Variants in PHKA1 observed in about 807,000 individuals in gnomAD.
PHKA1 encodes the protein phosphorylase b kinase regulatory subunit alpha, skeletal muscle isoform.
PHKA1 carries 60 observed loss-of-function variants against 110.2 expected under a neutral mutation model. The observed-to-expected ratio is 0.54, with a 90% CI of 0.44 to 0.68. The LOEUF is 0.68. Among genes scored for constraint, PHKA1 ranks in the 30% least tolerant of loss-of-function variants. The pLI is 0.00. For missense variants in PHKA1, 801 were observed against 942.5 expected, an observed-to-expected ratio of 0.85 and a Z score of 1.97; for synonymous variants, 316 against 333.6, an observed-to-expected ratio of 0.95 and a Z score of 0.58.
rs1164416043 is a variant in PHKA1, at chrX:72,682,934, T to TAAAA, written c.537+1560_537+1563dup. ...AAGAATTATCAATAAAAAAATAAAT[T>TAAAA]AAAAAAAAAAAAAAAAAAAAAAAAG... On this transcript the variant is annotated intron_variant, in intron 5 of 31. Coordinates refer to ENST00000373542, the MANE Select transcript of PHKA1 (RefSeq NM_002637.4). 3.3e-4 allele frequency among the ~76,000 whole-genome samples: 21 copies of TAAAA among 63,831 alleles called. No individual in the cohort carries two copies. In the East Asian group the frequency reaches 6.0e-3, roughly 18 times the overall value. 55.4% of individuals were successfully genotyped at this position (63,831 alleles called of 115,157 possible). A position where few individuals can be genotyped will look rare whatever the true frequency, so the allele number is the denominator to read the frequency against.
In PHKA1 at chrX:72,665,482, C is replaced by T. The variant is rs782678274; in HGVS notation, c.864+669G>A. Among the ~76,000 whole-genome samples the T allele has an allele frequency of 2.1e-4, 23 of 111,685 alleles. 1 individual carries two copies. The East Asian group carries it at 6.5e-3, about 32-fold the overall frequency. ...AAACTTTTAAAGAGCTAAAACCAAA[C>T]TACTCCAGTAAATTGAAGGGGAGGG... On this transcript the variant is annotated intron_variant, in intron 8 of 31. Coordinates refer to ENST00000373542, the MANE Select transcript of PHKA1 (RefSeq NM_002637.4).
At chrX:72,704,403 C>T (rs1347101272) in intron 3 of PHKA1, among the ~76,000 whole-genome samples, 1 of 111,326 alleles carries the variant, frequency 9.0e-6, no homozygotes, top group African/African-American at 3.3e-5. Flanking sequence ...TTATAGAGTG[C>T]TGTTCTAGAC....
intron 5 of PHKA1, among the ~76,000 whole-genome samples, chrX:72,676,808 T>G (rs2053784697): frequency 8.9e-6 from 1 of 112,175 alleles, no homozygotes; most frequent in African/African-American, 3.2e-5. Flanking sequence ...TGGAATAACT[T>G]TAGACTTATA....
Position 72,620,770 on chromosome X carries a change from C to T in PHKA1, c.2092G>A (p.Asp698Asn), listed in dbSNP as rs1064796509. The part of the protein sequence containing the change: ...RFQAAVQTTC[D>N]LMSLVTKAKE... ...GCCTTGGTCACCAAGGACATTAAGTCGCAGGTTGTTTGCACAGCAGCTTGG... is the reference window on the plus strand; with the variant it reads ...GCCTTGGTCACCAAGGACATTAAGTTGCAGGTTGTTTGCACAGCAGCTTGG... The change falls in exon 19 of 32, where the codon GAC becomes AAC. Residue 698 changes from aspartate to asparagine, a missense_variant. By Grantham distance (23) the Asp-to-Asn change is conservative (BLOSUM62 1). Coordinates refer to ENST00000373542, the MANE Select transcript of PHKA1 (RefSeq NM_002637.4). 1.4e-5 allele frequency: 17 copies of T among 1,210,215 alleles called. No homozygotes were observed. The highest frequency in any genetic ancestry group is 1.1e-5 in the Non-Finnish European group (10 of 895,061).
At chrX:72,672,156 T>C (rs150884061) in intron 6 of PHKA1, among the ~76,000 whole-genome samples, 1 of 111,752 alleles carries the variant, frequency 8.9e-6, no homozygotes, top group African/African-American at 3.3e-5. Context: ...AGTAGTGGCA[T>C]GAGCTGAGTG....
At position 72,644,440 on chromosome X, in the gene PHKA1, A is replaced by C. The variant is rs1031164358; in HGVS notation, c.1381T>G (p.Tyr461Asp). The C allele has an allele frequency of 1.7e-6, 2 of 1,208,334 alleles. No individual in the cohort carries two copies. The highest frequency in any genetic ancestry group is 5.9e-5 in the East Asian group (2 of 33,839). ...TATACCTCAGCAATGGTCTCCACGTAAATTCCCTTGTCCTTCAAAATGGTC... is the reference window on the plus strand; with the variant it reads ...TATACCTCAGCAATGGTCTCCACGTCAATTCCCTTGTCCTTCAAAATGGTC... ...IKTILKDKGI[Y>D]VETIAEVYPI... Residue 461 changes from tyrosine (Y) to aspartate (D), a missense_variant, in exon 14 of 32, where the codon TAC (tyrosine) becomes GAC (aspartate). Physicochemically the swap from Tyr to Asp is radical, Grantham distance 160. Around this residue, in one of 2 missense-constraint regions of PHKA1, gnomAD observed 299 missense variants for 423.3 expected, o/e 0.71. Transcript: ENST00000373542.
At chrX:72,627,118 T>A in intron 16 of PHKA1, 69 bp from the exon 17 acceptor site, 1 of 808,006 alleles carries the variant, frequency 1.2e-6, no homozygotes, top group Non-Finnish European at 1.9e-6. Context: ...AATCTTGTAA[T>A]TATTTCAAAT....
At chrX:72,674,446 G>C (rs377747779) in intron 6 of PHKA1, among the ~76,000 whole-genome samples, 11 of 111,036 alleles carry the variant, frequency 9.9e-5, no homozygotes, top group South Asian at 3.9e-4. Context: ...GTTCCTATTT[G>C]TCCACATCCT....
At chrX:72,596,444 G>A (rs781909790) in intron 28 of PHKA1, among the ~76,000 whole-genome samples, 1 of 111,497 alleles carries the variant, frequency 9.0e-6, no homozygotes, top group Non-Finnish European at 1.9e-5. Context: ...TAGATCTCAT[G>A]TTAAATGTCT....
At chrX:72,601,095 C>T (rs1012657151) in intron 28 of PHKA1, among the ~76,000 whole-genome samples, 16 of 111,286 alleles carry the variant, frequency 1.4e-4, no homozygotes, top group African/African-American at 5.2e-4. Flanking sequence ...TTAACTATTT[C>T]CTTGTATAAA....
At position 72,636,509 on chromosome X, in the gene PHKA1, A is replaced by G. The variant is rs191134902; in HGVS notation, c.1460-123T>C. On this transcript the variant is annotated intron_variant, in intron 14 of 31. Coordinates refer to ENST00000373542, the MANE Select transcript of PHKA1 (RefSeq NM_002637.4). ...TATGTATATACATATAGACACACAC[A>G]CACATCCACTGTATTTCCTTGAATT... is the stretch of plus-strand genomic sequence containing the variant. 1.1e-4 allele frequency: 55 copies of G among 492,823 alleles called. No individual in the cohort carries two copies. In the African/African-American group the frequency reaches 1.2e-3, roughly 11 times the overall value. The allele number at this position is 492,823 out of a possible 1,213,427, so 40.6% of individuals were successfully genotyped here. A position where few individuals can be genotyped will look rare whatever the true frequency, so the allele number is the denominator to read the frequency against.
intron 21 of PHKA1, among the ~76,000 whole-genome samples, chrX:72,611,614 T>TCTGGCAAAACAAATACTG (rs782632524): frequency 9.0e-6 from 1 of 111,122 alleles, no homozygotes; most frequent in Admixed American, 9.6e-5. Flanking sequence ...CAAAAGAAAA[T>TCTGGCAAAACAAATACTG]CTGGCAAAAC....
Position 72,579,865 on chromosome X carries a change from G to C in PHKA1, c.*1137C>G, listed in dbSNP as rs2052313004. On this transcript the variant is annotated 3_prime_UTR_variant, in exon 32 of 32. Coordinates refer to ENST00000373542, the MANE Select transcript of PHKA1 (RefSeq NM_002637.4). Reference sequence around the variant, plus strand: ...AGAATTAGGAAGTGAAAATATATATGAAAGAGTTTAAGAATAGATGGGGGG... The same window carrying C: ...AGAATTAGGAAGTGAAAATATATATCAAAGAGTTTAAGAATAGATGGGGGG... The C allele has an allele frequency of 9.0e-6, 1 of 111,424 alleles. No individual in the cohort carries two copies. The highest frequency in any genetic ancestry group is 1.9e-5 in the Non-Finnish European group (1 of 53,111). The allele number at this position is 111,424 out of a possible 1,213,427, so 9.2% of individuals were successfully genotyped here. A position where few individuals can be genotyped will look rare whatever the true frequency, so the allele number is the denominator to read the frequency against.
In PHKA1 at chrX:72,579,205, T is replaced by C. The variant is rs1296603872; in HGVS notation, c.*1797A>G. The C allele has an allele frequency of 3.6e-5, 4 of 112,421 alleles. No individual in the cohort carries two copies. The highest frequency in any genetic ancestry group is 5.6e-5 in the Non-Finnish European group (3 of 53,320). 9.3% of individuals were successfully genotyped at this position (112,421 alleles called of 1,213,427 possible). A position where few individuals can be genotyped will look rare whatever the true frequency, so the allele number is the denominator to read the frequency against. Reference sequence around the variant, plus strand: ...TTCTTTAAAAGTGACCAGAAAATAATGTAGTCAGAAAGCTACTTACTGTGT... The same window carrying C: ...TTCTTTAAAAGTGACCAGAAAATAACGTAGTCAGAAAGCTACTTACTGTGT... On this transcript the variant is annotated 3_prime_UTR_variant, in exon 32 of 32. Coordinates refer to ENST00000373542, the MANE Select transcript of PHKA1 (RefSeq NM_002637.4).
intron 21 of PHKA1, among the ~76,000 whole-genome samples, chrX:72,613,879 A>G (rs1310659275): frequency 9.0e-6 from 1 of 111,672 alleles, no homozygotes; most frequent in Non-Finnish European, 1.9e-5. Flanking sequence ...CAACACATAA[A>G]CTGAAATTGA....
At chrX:72,671,916 C>A (rs1206715323) in intron 6 of PHKA1, among the ~76,000 whole-genome samples, 2 of 111,882 alleles carry the variant, frequency 1.8e-5, no homozygotes, top group Non-Finnish European at 3.8e-5. Flanking sequence ...CCCTTCCTTA[C>A]ACCTTATACA....
intron 30 of PHKA1, among the ~76,000 whole-genome samples, chrX:72,583,779 TA>T (rs1416445608): frequency 1.8e-5 from 2 of 111,961 alleles, no homozygotes; most frequent in Admixed American, 9.5e-5. Flanking sequence ...TTCTATAGAT[TA>T]AAAAAAATAC....
intron 12 of PHKA1, among the ~76,000 whole-genome samples, chrX:72,651,312 G>A (rs919479474): frequency 8.1e-5 from 9 of 111,154 alleles, no homozygotes; most frequent in Non-Finnish European, 1.7e-4. Context: ...TGAGGAGGGC[G>A]GATCACCTGA....
At chrX:72,713,670 T>TCTCACACA in intron 1 of PHKA1, 133 bp downstream of exon 1, 3 of 486,231 alleles carry the variant, frequency 6.2e-6, no homozygotes, top group Non-Finnish European at 7.2e-6. Flanking sequence ...AAGGTCTCCG[T>TCTCACACA]CACACACACA....
Sources: allele counts gnomAD v4.1 joint callset (sites outside exome capture counted in the v4.1 genomes callset), GRCh38; gene constraint gnomAD v4.1.1; regional missense constraint gnomAD v4.1.1; transcripts MANE v1.5; gene names NCBI Gene and HGNC (gene_info 2026-07-23, HGNC 2026-07-21).